The following TRABD2B variants were observed in gnomAD, a reference collection of about 807,000 sequenced individuals.
TRABD2B encodes the protein TraB domain containing 2B, also known as metalloprotease TIKI2.
A neutral mutation model predicts 40.1 loss-of-function variants in TRABD2B; 14 were observed. That is an observed-to-expected ratio of 0.35 (90% CI 0.23 to 0.55). The LOEUF is 0.55. Ranked by LOEUF, TRABD2B falls within the 20% of genes least tolerant of loss-of-function variation. The pLI, the probability that TRABD2B is intolerant of heterozygous loss-of-function variation, is 0.90. For synonymous variants in TRABD2B, 263 were observed against 277.0 expected (o/e 0.95, Z 0.50); for missense variants, 541 against 648.6 (o/e 0.83, Z 1.80).
chr1:47,852,567 TC>T (rs1443353278), intron 2 of TRABD2B, among the ~76,000 whole-genome samples: 1 of 152,134 alleles, frequency 6.6e-6, no homozygotes, highest in African/African-American at 2.4e-5. Flanking sequence ...GCCAGAACTC[TC>T]CGGGAATGTC....
chr1:47,991,948 C>A (rs1023340167), intron 2 of TRABD2B, among the ~76,000 whole-genome samples: 8 of 152,144 alleles, frequency 5.3e-5, no homozygotes, highest in African/African-American at 1.9e-4. Flanking sequence ...AGAATCCCAC[C>A]CTTCCCATTT....
chr1:47,768,749 T>C (rs1320484516), intron 6 of TRABD2B, among the ~76,000 whole-genome samples: 1 of 152,254 alleles, frequency 6.6e-6, no homozygotes, highest in Non-Finnish European at 1.5e-5. Flanking sequence ...TTTAGCATCA[T>C]TATTAATATT....
chr1:47,799,017 C>A (rs1443338711), intron 3 of TRABD2B, among the ~76,000 whole-genome samples: 2 of 151,990 alleles, frequency 1.3e-5, no homozygotes, highest in African/African-American at 4.9e-5. Context: ...CCCAATCCAC[C>A]TACCTTCTGT....
At chr1:47,899,475 C>A (rs1425950136) in intron 2 of TRABD2B, among the ~76,000 whole-genome samples, 1 of 152,158 alleles carries the variant, frequency 6.6e-6, no homozygotes, top group Non-Finnish European at 1.5e-5. Flanking sequence ...CTGCTGTGGC[C>A]CACTCCATTA....
In TRABD2B at chr1:47,776,991, C is replaced by G. The variant is rs540440981; in HGVS notation, c.1079+1463G>C. On this transcript the variant is annotated intron_variant, in intron 5 of 6. Coordinates refer to ENST00000606738, the MANE Select transcript of TRABD2B (RefSeq NM_001194986.2). ...GGAGCCTCCTCAGCATTCCCGCCCC[C>G]CTCCGCCCTGCCAACTCCCTTGCTC... is the stretch of plus-strand genomic sequence containing the variant. Among the ~76,000 whole-genome samples, 22 of 152,314 alleles carry G rather than the reference C, an allele frequency of 1.4e-4. No individual in the cohort carries two copies. In the South Asian group the frequency reaches 4.1e-3, roughly 29 times the overall value.
intron 5 of TRABD2B, among the ~76,000 whole-genome samples, chr1:47,777,622 G>T (rs891313237): frequency 6.6e-6 from 1 of 152,210 alleles, no homozygotes; most frequent in African/African-American, 2.4e-5. Flanking sequence ...CAGATTAAAT[G>T]AGTTAAAAGG....
chr1:47,879,345 T>C (rs1644268564), intron 2 of TRABD2B, among the ~76,000 whole-genome samples: 1 of 152,238 alleles, frequency 6.6e-6, no homozygotes, highest in African/African-American at 2.4e-5. Context: ...TTTATTTTAC[T>C]TTTTTATGTT....
intron 4 of TRABD2B, among the ~76,000 whole-genome samples, chr1:47,791,193 C>T (rs902825084): frequency 2.0e-5 from 3 of 152,170 alleles, no homozygotes; most frequent in Non-Finnish European, 2.9e-5. Context: ...GCCAGGCAGG[C>T]GGAGGCTCAA....
At chr1:47,973,089 G>C (rs1220012534) in intron 2 of TRABD2B, among the ~76,000 whole-genome samples, 1 of 152,238 alleles carries the variant, frequency 6.6e-6, no homozygotes, top group Non-Finnish European at 1.5e-5. Flanking sequence ...CTTGTTGACA[G>C]ACTTTACTGT....
At chr1:47,809,036 G>A (rs941570145) in intron 2 of TRABD2B, among the ~76,000 whole-genome samples, 9 of 152,110 alleles carry the variant, frequency 5.9e-5, no homozygotes, top group Non-Finnish European at 1.2e-4. Context: ...CCAGGCTGAC[G>A]AAACCTTGCT....
Position 47,830,198 on chromosome 1 carries a change from G to T in TRABD2B, c.667-28579C>A, listed in dbSNP as rs144900863. Among the ~76,000 whole-genome samples the T allele has an allele frequency of 9.2e-5, 14 of 152,316 alleles. No individual in the cohort carries two copies. In the East Asian group the frequency reaches 2.7e-3, roughly 29 times the overall value. On this transcript the variant is annotated intron_variant, in intron 2 of 6. Transcript: ENST00000606738. ...GGACCTCCCTGAAGGCAGCAGCATC[G>T]CACCCTCATTCACCCCTTGCCCCGT...
At chr1:47,895,819 A>T (rs1338631366) in intron 2 of TRABD2B, among the ~76,000 whole-genome samples, 3 of 152,234 alleles carry the variant, frequency 2.0e-5, no homozygotes, top group African/African-American at 4.8e-5. Context: ...GGAGGGGCAG[A>T]GATGGTGCTG....
intron 2 of TRABD2B, among the ~76,000 whole-genome samples, chr1:47,879,410 T>C (rs545928967): frequency 2.6e-5 from 4 of 152,358 alleles, no homozygotes; most frequent in African/African-American, 9.6e-5. Context: ...GCCTACAATA[T>C]TCAGTACAGC....
intron 2 of TRABD2B, among the ~76,000 whole-genome samples, chr1:47,899,298 G>A (rs972300576): frequency 2.6e-5 from 4 of 152,208 alleles, no homozygotes; most frequent in Non-Finnish European, 5.9e-5. Flanking sequence ...GAAGGCCCAG[G>A]CCCTGTTCTC....
chr1:47,835,875 A>G (rs188965510), intron 2 of TRABD2B, among the ~76,000 whole-genome samples: 1 of 152,324 alleles, frequency 6.6e-6, no homozygotes, highest in East Asian at 1.9e-4. Context: ...AAAAGACAGT[A>G]CAAATGAAAA....
At chr1:47,845,547 C>T (rs186822072) in intron 2 of TRABD2B, among the ~76,000 whole-genome samples, 1 of 152,218 alleles carries the variant, frequency 6.6e-6, no homozygotes, top group Non-Finnish European at 1.5e-5. Context: ...AATGGTGAAA[C>T]TGGGATATGA....
rs568722476 is a variant in TRABD2B, at chr1:47,792,779, C to G, written c.988+1807G>C. Among the ~76,000 whole-genome samples, 3 of 152,252 alleles carry G rather than the reference C, an allele frequency of 2.0e-5. No homozygotes were observed. In the East Asian group the frequency reaches 5.8e-4, roughly 29 times the overall value. On this transcript the variant is annotated intron_variant, in intron 4 of 6. Transcript: ENST00000606738. ...CTCCTGGGTCCTGGGGCAGGCAGGA[C>G]TACTCAGGTGGGGTGTGTAGAATGA...
At chr1:47,971,645 C>T (rs1645684033) in intron 2 of TRABD2B, among the ~76,000 whole-genome samples, 1 of 152,118 alleles carries the variant, frequency 6.6e-6, no homozygotes, top group Admixed American at 6.5e-5. Context: ...ATGCCACACC[C>T]ACAATAGGTA....
intron 2 of TRABD2B, among the ~76,000 whole-genome samples, chr1:47,905,612 C>T (rs945212458): frequency 6.6e-6 from 1 of 152,198 alleles, no homozygotes; most frequent in Non-Finnish European, 1.5e-5. Context: ...GCACCTGATG[C>T]CACAATTCTT....
Sources: allele counts gnomAD v4.1 joint callset (sites outside exome capture counted in the v4.1 genomes callset), GRCh38; gene constraint gnomAD v4.1.1; transcripts MANE v1.5; gene names NCBI Gene and HGNC (gene_info 2026-07-23, HGNC 2026-07-21).